The following BAZ2A variants were observed in gnomAD, a reference collection of about 807,000 sequenced individuals.
BAZ2A encodes the protein bromodomain adjacent to zinc finger domain 2A, also known as bromodomain adjacent to zinc finger domain protein 2A.
In BAZ2A, 34 loss-of-function variants were observed where a neutral mutation model predicts 199.9. That is an observed-to-expected ratio of 0.17 (90% confidence interval 0.13 to 0.23). BAZ2A has a LOEUF of 0.23. Among genes scored for constraint, BAZ2A ranks in the 10% least tolerant of loss-of-function variants. The probability of loss-of-function intolerance (pLI) is 1.00; values close to 1 mark genes in which losing one functional copy is unlikely to be tolerated. For missense variants in BAZ2A, 2,002 were observed against 2,391.1 expected, an observed-to-expected ratio of 0.84 and a Z score of 3.39; for synonymous variants, 857 against 883.9, an observed-to-expected ratio of 0.97 and a Z score of 0.54.
In BAZ2A at chr12:56,598,100, C is replaced by A. The variant is rs1380116783; in HGVS notation, c.*518G>T. The A allele has an allele frequency of 6.5e-6, 1 of 154,302 alleles. No homozygotes were observed. The highest frequency in any genetic ancestry group is 2.4e-5 in the African/African-American group (1 of 41,440). 9.6% of individuals were successfully genotyped at this position (154,302 alleles called of 1,614,324 possible). On this transcript the variant is annotated 3_prime_UTR_variant, in exon 29 of 29. Transcript: ENST00000549884. ...AGCGAGAAGCAGGGAAGGGACTGAA[C>A]ATGGAAGCAGCATGTCCAGGGCCCG...
At chr12:56,629,312 T>C (rs1327811161) in intron 1 of BAZ2A, among the ~76,000 whole-genome samples, 1 of 152,124 alleles carries the variant, frequency 6.6e-6, no homozygotes, top group Non-Finnish European at 1.5e-5. Context: ...GGACAACTGC[T>C]ATTGACATTG....
chr12:56,618,403 C>G (rs1331720609), intron 1 of BAZ2A, among the ~76,000 whole-genome samples: 1 of 151,946 alleles, frequency 6.6e-6, no homozygotes, highest in East Asian at 1.9e-4. Context: ...TTTCTGAATA[C>G]TACTAAGAAT....
chr12:56,627,085 G>A (rs1951119469), intron 1 of BAZ2A, among the ~76,000 whole-genome samples: 1 of 152,190 alleles, frequency 6.6e-6, no homozygotes, highest in African/African-American at 2.4e-5. Flanking sequence ...TTAATCTAGG[G>A]ATCTTCATCT....
At chr12:56,606,104 T>G in intron 12 of BAZ2A, 41 bp from the exon 13 acceptor site, 1 of 1,549,708 alleles carries the variant, frequency 6.5e-7, no homozygotes, top group Non-Finnish European at 8.7e-7. Context: ...CATAAAGATA[T>G]CAGTCACTAT....
chr12:56,601,050 G>A lies in BAZ2A; in HGVS notation c.4343C>T (p.Ala1448Val). 1 of 1,611,034 alleles carries A rather than the reference G, an allele frequency of 6.2e-7. No individual in the cohort carries two copies. The highest frequency in any genetic ancestry group is 1.1e-5 in the South Asian group (1 of 90,680). Residue 1448 changes from alanine (A) to valine (V), a missense_variant, in exon 22 of 29, where the codon GCC (alanine) becomes GTC (valine). Ala to Val is a moderately conservative substitution (Grantham distance 64, BLOSUM62 0). This residue lies in a region of BAZ2A where 1,081 missense variants were observed against 1,274.7 expected (regional missense o/e 0.85). Transcript: ENST00000549884. ...WWIRDPEMLDAMLKALHPRGI... is the reference protein window; with the variant it reads ...WWIRDPEMLDVMLKALHPRGI... ...TCGGGGGTGTAGGGCCTTGAGCATG[G>A]CATCCAACATCTCAGGATCTCGTAT...
At chr12:56,631,157 G>C (rs1294961948), upstream of BAZ2A, among the ~76,000 whole-genome samples, 2 of 152,064 alleles carry the variant, frequency 1.3e-5, no homozygotes, top group African/African-American at 4.8e-5. Flanking sequence ...AGAGCTTAGA[G>C]AATTTCTAGT....
At chr12:56,629,949 A>G (rs1188957761) in intron 1 of BAZ2A, 176 bp downstream of exon 1, 6 of 378,874 alleles carry the variant, frequency 1.6e-5, no homozygotes, top group Non-Finnish European at 2.2e-5. Flanking sequence ...CTCCTCCCAG[A>G]CCCCAGAGCA....
chr12:56,598,856 A>G lies in BAZ2A; in HGVS notation c.5546+12T>C. ...GTAGCAAAGACCGGGCGGTTCACCCACATCTACTTACCCTCCCCTGAGCAG... is the reference window on the plus strand; with the variant it reads ...GTAGCAAAGACCGGGCGGTTCACCCGCATCTACTTACCCTCCCCTGAGCAG... On this transcript the variant is annotated intron_variant, in intron 28 of 28. Transcript: ENST00000549884. 6.2e-7 allele frequency: 1 copy of G among 1,606,604 alleles called. No homozygotes were observed.
Position 56,615,318 on chromosome 12 carries a change from A to G in BAZ2A, c.426T>C (p.Ala142=), listed in dbSNP as rs779767533. The G allele has an allele frequency of 3.1e-6, 5 of 1,613,982 alleles. No individual in the cohort carries two copies. The South Asian group carries it at 5.5e-5, about 18-fold the overall frequency. ...CGTTGGCCCAGAACTCTTGGCTCCC[A>G]GCCCGAAGGTTAGTGTTATGACTTG... is the stretch of plus-strand genomic sequence containing the variant. The part of the protein sequence containing the change: ...SSPSHNTNLR[A]GSQEFWANGT... Residue 142 remains alanine, a synonymous_variant, in exon 3 of 29, where the codon GCT becomes GCC. Coordinates refer to ENST00000549884, the MANE Select transcript of BAZ2A (RefSeq NM_001300905.2).
rs1025322936 is a variant in BAZ2A at position 56,604,719 on chromosome 12, A to C, written c.2829T>G (p.Leu943=). 6 of 1,613,728 alleles carry C rather than the reference A, an allele frequency of 3.7e-6. No homozygotes were observed. In the African/African-American group the frequency reaches 6.7e-5, roughly 18 times the overall value. ...GGGCTGGCTCTACTCCATATGCCAT[A>C]AGGAAGCAGCGCAGGATCTCTGACA... ...DNVSEILRCF[L]MAYGVEPALC... is the part of the protein sequence containing the mutation. Residue 943 remains leucine, a synonymous_variant, in exon 15 of 29, where the codon CTT becomes CTG. Transcript: ENST00000549884.
intron 13 of BAZ2A, 145 bp downstream of exon 13, chr12:56,605,685 G>A (rs558864366): frequency 4.2e-6 from 4 of 945,054 alleles, no homozygotes; most frequent in African/African-American, 1.7e-5. Flanking sequence ...GCCTCCCAAA[G>A]TGCTGGGATT....
chr12:56,636,020 G>C (rs1423426527), intron 1 of BAZ2A, among the ~76,000 whole-genome samples: 1 of 152,144 alleles, frequency 6.6e-6, no homozygotes. Flanking sequence ...TCCCGTGGTC[G>C]GCAGCCTCGC....
intron 1 of BAZ2A, among the ~76,000 whole-genome samples, chr12:56,618,777 G>A (rs1402401368): frequency 6.6e-6 from 1 of 152,014 alleles, no homozygotes; most frequent in African/African-American, 2.4e-5. Flanking sequence ...GGCTAAGGAA[G>A]GAGAATCGCT....
chr12:56,601,889 T>G lies in BAZ2A; in HGVS notation c.3728A>C (p.Lys1243Thr), dbSNP rs1488105087. The G allele has an allele frequency of 6.2e-7, 1 of 1,612,732 alleles. No individual in the cohort carries two copies. Among genetic ancestry groups the G allele is most frequent in the Non-Finnish European group, 8.5e-7 (1 of 1,179,296 alleles). Reference sequence around the variant, plus strand: ...GGAGCCTTCTTGCTCCAGGAACCCCTTATGGGACTGAAGCTGAAGCTGAAG... The same window carrying G: ...GGAGCCTTCTTGCTCCAGGAACCCCGTATGGGACTGAAGCTGAAGCTGAAG... Reference protein sequence around the residue: ...PQLQLQLQSHKGFLEQEGSPL... With the variant: ...PQLQLQLQSHTGFLEQEGSPL... Residue 1243 changes from lysine (K) to threonine (T), a missense_variant, in exon 20 of 29, where the codon AAG becomes ACG. Coordinates refer to ENST00000549884, the MANE Select transcript of BAZ2A (RefSeq NM_001300905.2).
At chr12:56,636,428 AG>A, upstream of BAZ2A, 1 of 1,337,114 alleles carries the variant, frequency 7.5e-7, no homozygotes, top group South Asian at 1.7e-5. Flanking sequence ...GGGTGGAGAG[AG>A]GGAGGAGGCG....
At chr12:56,624,120 GAATA>G (rs1175827251) in intron 1 of BAZ2A, among the ~76,000 whole-genome samples, 4 of 151,380 alleles carry the variant, frequency 2.6e-5, no homozygotes, top group Non-Finnish European at 5.9e-5. Context: ...CCAAGCCACA[GAATA>G]AATATGCCCT....
intron 1 of BAZ2A, among the ~76,000 whole-genome samples, chr12:56,625,658 A>G (rs1177559632): frequency 6.6e-6 from 1 of 151,790 alleles, no homozygotes; most frequent in Non-Finnish European, 1.5e-5. Flanking sequence ...CGGGCGGATC[A>G]TGAGGTCAGG....
chr12:56,624,208 A>G (rs891753652), intron 1 of BAZ2A, among the ~76,000 whole-genome samples: 1 of 152,148 alleles, frequency 6.6e-6, no homozygotes, highest in Non-Finnish European at 1.5e-5. Flanking sequence ...CGGACAAACT[A>G]TATCATATAC....
In BAZ2A at chr12:56,610,340, G is replaced by A. The variant is rs1950520587; in HGVS notation, c.1779+69C>T. ...GCCTGTTGTCACTGAGCCCAAGAAC[G>A]GAGTCTTGGGCAGTGGAAAGGAGTC... is the stretch of plus-strand genomic sequence containing the variant. On this transcript the variant is annotated intron_variant, in intron 8 of 28. Transcript: ENST00000549884. 13 of 1,568,360 alleles carry A rather than the reference G, an allele frequency of 8.3e-6. No homozygotes were observed. The African/African-American group carries it at 1.1e-4, about 13-fold the overall frequency.
Sources: allele counts gnomAD v4.1 joint callset (sites outside exome capture counted in the v4.1 genomes callset), GRCh38; gene constraint gnomAD v4.1.1; regional missense constraint gnomAD v4.1.1; transcripts MANE v1.5; gene names NCBI Gene and HGNC (gene_info 2026-07-23, HGNC 2026-07-21).